The following RPS26 variants were observed in gnomAD, a reference collection of about 807,000 sequenced individuals.
RPS26 encodes small ribosomal subunit protein eS26.
In RPS26, 1 loss-of-function variant was observed where a neutral mutation model predicts 14.7. The observed-to-expected ratio is 0.07, with a 90% CI of 0.02 to 0.32. RPS26 has a LOEUF of 0.32. RPS26 is among the 10% of genes least tolerant of loss of function. The pLI, the probability that RPS26 is intolerant of heterozygous loss-of-function variation, is 1.00. For missense variants in RPS26, 63 were observed against 157.7 expected, an observed-to-expected ratio of 0.40 and a Z score of 3.22; for synonymous variants, 59 against 53.1, an observed-to-expected ratio of 1.11 and a Z score of -0.48.
chr12:56,044,026 C>A, intron 3 of RPS26, 93 bp from the exon 4 acceptor site: 2 of 1,036,918 alleles, frequency 1.9e-6, no homozygotes, highest in Non-Finnish European at 3.1e-6. Context: ...CTGAATACAT[C>A]AGTTTGTGAG....
Position 56,042,073 on chromosome 12 carries a change from C to G in RPS26, c.-94C>G. 1 of 1,323,148 alleles carries G rather than the reference C, an allele frequency of 7.6e-7. No individual in the cohort carries two copies. The highest frequency in any genetic ancestry group is 2.3e-5 in the East Asian group (1 of 43,458). The allele number at this position is 1,323,148 out of a possible 1,614,324, so 82.0% of individuals were successfully genotyped here. On this transcript the variant is annotated 5_prime_UTR_variant, in exon 1 of 4. Coordinates refer to ENST00000646449, the MANE Select transcript of RPS26 (RefSeq NM_001029.5). ...GAGTTGCCGTTCTTGAAGCCCGTCT[C>G]CTAAGGATTCTCCCGGTGTCCGCGT...
intron 1 of RPS26, 36 bp downstream of exon 1, chr12:56,042,205 G>A (rs376136138): frequency 5.6e-5 from 90 of 1,613,516 alleles, no homozygotes; most frequent in Admixed American, 1.8e-4. Flanking sequence ...GGGGGTTCGG[G>A]TGCAGACTCT....
intron 3 of RPS26, 45 bp from the exon 4 acceptor site, chr12:56,044,073 TG>T (rs948091305): frequency 1.9e-6 from 3 of 1,570,770 alleles, no homozygotes; most frequent in African/African-American, 1.4e-5. Context: ...AAGGGAGTCT[TG>T]GATCCATGGG....
rs1895937535 is a variant in RPS26 at position 56,044,440 on chromosome 12, T to TTCAAGTGA, written c.*288_*295dup. On this transcript the variant is annotated 3_prime_UTR_variant, in exon 4 of 4. Coordinates refer to ENST00000646449, the MANE Select transcript of RPS26 (RefSeq NM_001029.5). ...CTCACTGCAACCTCCGTCTCCCGGG[T>TTCAAGTGA]TCAAGTGATTCTCCTGCCTCAGCTT... is the stretch of plus-strand genomic sequence containing the variant. 2.3e-5 allele frequency: 8 copies of TTCAAGTGA among 352,682 alleles called. No homozygotes were observed. In the South Asian group the frequency reaches 2.5e-4, roughly 11 times the overall value. The allele number at this position is 352,682 out of a possible 1,614,324, so 21.8% of individuals were successfully genotyped here.
chr12:56,043,245 A>G lies in RPS26; in HGVS notation c.182-118A>G, dbSNP rs1895914306. On this transcript the variant is annotated intron_variant, in intron 2 of 3. Transcript: ENST00000646449. ...TTGGGGGTGCTTTTATGTGCCCGAC[A>G]GGCATTTAAATAGGTTTAGTTTTAA... 12 of 993,856 alleles carry G rather than the reference A, an allele frequency of 1.2e-5. No individual in the cohort carries two copies. In the South Asian group the frequency reaches 1.6e-4, roughly 13 times the overall value. 61.6% of individuals were successfully genotyped at this position (993,856 alleles called of 1,614,324 possible). A position where few individuals can be genotyped will look rare whatever the true frequency, so the allele number is the denominator to read the frequency against.
chr12:56,042,324 C>A, intron 1 of RPS26, 101 bp from the exon 2 acceptor site: 1 of 1,512,722 alleles, frequency 6.6e-7, no homozygotes, highest in Non-Finnish European at 9.2e-7. Context: ...GAGATCCGAG[C>A]GGCGCCTTCC....
At position 56,042,177 on chromosome 12, in the gene RPS26, T is replaced by C. The variant is rs1188199594; in HGVS notation, c.3+8T>C. 7 of 1,614,032 alleles carry C rather than the reference T, an allele frequency of 4.3e-6. No homozygotes were observed. The highest frequency in any genetic ancestry group is 5.9e-6 in the Non-Finnish European group (7 of 1,180,042). The stretch of plus-strand genomic sequence containing the variant: ...GTCCGTGCCTCCAAGATGGTGAGTC[T>C]TCTTGCGTGGTGAGGGTGGGGGTTC... On this transcript the variant is annotated splice_region_variant and intron_variant, in intron 1 of 3. Coordinates refer to ENST00000646449, the MANE Select transcript of RPS26 (RefSeq NM_001029.5).
chr12:56,042,355 T>C (rs894259700), intron 1 of RPS26, 70 bp from the exon 2 acceptor site: 6 of 1,569,386 alleles, frequency 3.8e-6, no homozygotes, highest in Non-Finnish European at 4.4e-6. Context: ...CGGTGCGGCT[T>C]GTGGCCGGAA....
At chr12:56,044,048 C>G in intron 3 of RPS26, 71 bp from the exon 4 acceptor site, 1 of 1,319,222 alleles carries the variant, frequency 7.6e-7, no homozygotes, top group South Asian at 1.2e-5. Context: ...GGATGGTGGT[C>G]AAGTTCTTTG....
rs751621986 is a variant in RPS26, at chr12:56,042,119, G to A, written c.-48G>A. ...CGCGTAGGGATCTCATGCTATATAGGAGGGCCCTGCCAGGCACCGTCTCCT... is the reference window on the plus strand; with the variant it reads ...CGCGTAGGGATCTCATGCTATATAGAAGGGCCCTGCCAGGCACCGTCTCCT... On this transcript the variant is annotated 5_prime_UTR_variant, in exon 1 of 4. Transcript: ENST00000646449. 6 of 1,608,042 alleles carry A rather than the reference G, an allele frequency of 3.7e-6. No individual in the cohort carries two copies. Among genetic ancestry groups the A allele is most frequent in the African/African-American group, 2.7e-5 (2 of 74,848 alleles).
At chr12:56,042,269 A>G in intron 1 of RPS26, 100 bp downstream of exon 1, 1 of 1,546,876 alleles carries the variant, frequency 6.5e-7, no homozygotes, top group African/African-American at 1.4e-5. Context: ...GACCGAGTGT[A>G]CATTTCATTT....
intron 3 of RPS26, 100 bp from the exon 4 acceptor site, chr12:56,044,019 A>T: frequency 1.0e-6 from 1 of 1,001,680 alleles, no homozygotes; most frequent in Non-Finnish European, 1.6e-6. Flanking sequence ...TTGTAGCCTG[A>T]ATACATCAGT....
At chr12:56,043,877 G>A (rs912571552) in intron 3 of RPS26, among the ~76,000 whole-genome samples, 2 of 151,866 alleles carry the variant, frequency 1.3e-5, no homozygotes, top group African/African-American at 4.8e-5. Context: ...TGTGCCTCAG[G>A]TTAAGCTGTA....
At chr12:56,042,194 T>TG (rs745374530) in intron 1 of RPS26, 25 bp downstream of exon 1, 6 of 1,613,076 alleles carry the variant, frequency 3.7e-6, no homozygotes, top group Non-Finnish European at 1.7e-6. Context: ...GTGGTGAGGG[T>TG]GGGGGTTCGG....
At chr12:56,043,892 A>G (rs1895927866) in intron 3 of RPS26, among the ~76,000 whole-genome samples, 1 of 152,104 alleles carries the variant, frequency 6.6e-6, no homozygotes, top group Non-Finnish European at 1.5e-5. Context: ...GCTGTAAGGC[A>G]GGTGAGACCC....
rs1430614398 is a variant in RPS26 at position 56,044,448 on chromosome 12, A to G, written c.*294A>G. The stretch of plus-strand genomic sequence containing the variant: ...AACCTCCGTCTCCCGGGTTCAAGTG[A>G]TTCTCCTGCCTCAGCTTCTTGAGTA... On this transcript the variant is annotated 3_prime_UTR_variant, in exon 4 of 4. Transcript: ENST00000646449. 2.9e-6 allele frequency: 1 copy of G among 339,076 alleles called. No individual in the cohort carries two copies. Among genetic ancestry groups the G allele is most frequent in the Admixed American group, 5.2e-5 (1 of 19,132 alleles). The allele number at this position is 339,076 out of a possible 1,614,324, so 21.0% of individuals were successfully genotyped here.
chr12:56,042,241 G>A (rs1895896802), intron 1 of RPS26, 72 bp downstream of exon 1: 2 of 1,582,604 alleles, frequency 1.3e-6, no homozygotes, highest in African/African-American at 1.3e-5. Flanking sequence ...TGAGAGCCTG[G>A]AGCACGGCTG....
chr12:56,043,146 C>G (rs1425367514), intron 2 of RPS26: 2 of 531,260 alleles, frequency 3.8e-6, no homozygotes, highest in Non-Finnish European at 6.8e-6. Context: ...AAGATGAACT[C>G]ACGTGGGATG....
intron 1 of RPS26, 80 bp from the exon 2 acceptor site, chr12:56,042,345 C>T (rs923894099): frequency 5.8e-5 from 90 of 1,550,136 alleles, no homozygotes; most frequent in Non-Finnish European, 7.1e-5. Flanking sequence ...TGGAGGCTGC[C>T]GGTGCGGCTT....
Sources: allele counts gnomAD v4.1 joint callset (sites outside exome capture counted in the v4.1 genomes callset), GRCh38; gene constraint gnomAD v4.1.1; transcripts MANE v1.5; gene names NCBI Gene and HGNC (gene_info 2026-07-23, HGNC 2026-07-21).